VEPH1: variants seen among roughly 807,000 people sequenced by gnomAD.
VEPH1 encodes ventricular zone-expressed PH domain-containing protein homolog 1.
Under a neutral mutation model 85.2 loss-of-function variants are expected in VEPH1, and 80 were observed. The observed-to-expected ratio is 0.94, with a 90% CI of 0.78 to 1.13. The LOEUF (loss-of-function observed/expected upper bound fraction) is 1.13. VEPH1 is among the 50% of genes most tolerant of loss of function. The pLI, the probability that VEPH1 is intolerant of heterozygous loss-of-function variation, is 0.00. For synonymous variants in VEPH1, 297 were observed against 348.0 expected (o/e 0.85, Z 1.63); for missense variants, 955 against 980.5 (o/e 0.97, Z 0.35).
At chr3:157,360,119 T>C (rs1725882240) in intron 9 of VEPH1, among the ~76,000 whole-genome samples, 1 of 152,194 alleles carries the variant, frequency 6.6e-6, no homozygotes, top group African/African-American at 2.4e-5. Flanking sequence ...GAAAGAAAGG[T>C]AATATTGTTG....
At chr3:157,265,480 T>C in intron 13 of VEPH1, 46 bp downstream of exon 13, 1 of 1,592,864 alleles carries the variant, frequency 6.3e-7, no homozygotes, top group Non-Finnish European at 8.6e-7. Flanking sequence ...TTGGTGGAGA[T>C]CAAAACCTTA....
At position 157,281,087 on chromosome 3, in the gene VEPH1, C is replaced by CGT. The variant is rs141433345; in HGVS notation, c.2128+5468_2128+5469dup. Among the ~76,000 whole-genome samples the CGT allele has an allele frequency of 4.4e-3, 648 of 148,766 alleles. 6 individuals are homozygous for CGT. Among genetic ancestry groups the CGT allele is most frequent in the African/African-American group, 0.015 (589 of 40,190 alleles). On this transcript the variant is annotated intron_variant, in intron 12 of 13. Transcript: ENST00000362010. The stretch of plus-strand genomic sequence containing the variant: ...ATGTAGGTGTGTGTGCATATGTGTG[C>CGT]GTGTGTGTGTGTGTGAGAGAGAGAG...
intron 9 of VEPH1, among the ~76,000 whole-genome samples, chr3:157,348,041 A>G (rs1337960588): frequency 6.6e-6 from 1 of 152,136 alleles, no homozygotes; most frequent in African/African-American, 2.4e-5. Flanking sequence ...ACCTAGCCAC[A>G]GCTGTGTGGA....
At chr3:157,326,745 A>G (rs1721949598) in intron 9 of VEPH1, among the ~76,000 whole-genome samples, 1 of 152,188 alleles carries the variant, frequency 6.6e-6, no homozygotes, top group African/African-American at 2.4e-5. Context: ...TTTGGCCTGG[A>G]GAAGGAGAAG....
At chr3:157,360,879 G>A (rs2108761697) in intron 9 of VEPH1, among the ~76,000 whole-genome samples, 1 of 152,284 alleles carries the variant, frequency 6.6e-6, no homozygotes, top group African/African-American at 2.4e-5. Context: ...AAGGCAATAA[G>A]AAATATCATT....
At chr3:157,267,093 CTTTTTTTTCTTTTT>C (rs1274393256) in intron 12 of VEPH1, among the ~76,000 whole-genome samples, 6 of 108,226 alleles carry the variant, frequency 5.5e-5, no homozygotes, top group South Asian at 6.9e-4. Context: ...TTTTCTTTTT[CTTTTTTTTCTTTTT>C]TTTTTTTTTT....
intron 6 of VEPH1, among the ~76,000 whole-genome samples, chr3:157,405,021 G>A (rs1374733107): frequency 1.3e-5 from 2 of 152,088 alleles, no homozygotes; most frequent in Non-Finnish European, 2.9e-5. Flanking sequence ...TGTCTTTCTT[G>A]AGGCAGGCAC....
At chr3:157,315,008 A>G (rs1226068294) in intron 10 of VEPH1, among the ~76,000 whole-genome samples, 1 of 152,096 alleles carries the variant, frequency 6.6e-6, no homozygotes, top group Non-Finnish European at 1.5e-5. Context: ...TGTATAGAAC[A>G]TCTATAAAGG....
At position 157,395,547 on chromosome 3, in the gene VEPH1, T is replaced by C. The variant is rs371046421; in HGVS notation, c.907-14171A>G. ...GTGGTTGGGGAAAGAGCCTGAATGG[T>C]GTCAACAGAGTGGGTCATCATATCC... On this transcript the variant is annotated intron_variant, in intron 6 of 13. Coordinates refer to ENST00000362010, the MANE Select transcript of VEPH1 (RefSeq NM_001167912.2). 5.7e-4 allele frequency among the ~76,000 whole-genome samples: 87 copies of C among 152,134 alleles called. 2 individuals are homozygous for C. In the South Asian group the frequency reaches 0.014, roughly 25 times the overall value.
chr3:157,500,430 C>A (rs1740011399), intron 1 of VEPH1, among the ~76,000 whole-genome samples: 1 of 152,120 alleles, frequency 6.6e-6, no homozygotes, highest in Non-Finnish European at 1.5e-5. Context: ...GTCAGGGTGG[C>A]CACAGTTAAA....
At chr3:157,345,924 C>T (rs971099334) in intron 9 of VEPH1, among the ~76,000 whole-genome samples, 2 of 151,438 alleles carry the variant, frequency 1.3e-5, no homozygotes, top group African/African-American at 4.9e-5. Context: ...GCAACTATCC[C>T]AAGGACAAAA....
At chr3:157,494,348 G>A (rs1280080256) in intron 2 of VEPH1, among the ~76,000 whole-genome samples, 1 of 152,166 alleles carries the variant, frequency 6.6e-6, no homozygotes, top group Non-Finnish European at 1.5e-5. Context: ...CCAAGTGTTG[G>A]CTAACACTGC....
intron 11 of VEPH1, among the ~76,000 whole-genome samples, chr3:157,293,884 C>T (rs1717818421): frequency 6.6e-6 from 1 of 152,200 alleles, no homozygotes; most frequent in Non-Finnish European, 1.5e-5. Context: ...CAAAACACTA[C>T]CAATGTTCAA....
At chr3:157,316,311 C>T (rs1273406711) in intron 10 of VEPH1, among the ~76,000 whole-genome samples, 1 of 151,740 alleles carries the variant, frequency 6.6e-6, no homozygotes, top group African/African-American at 2.4e-5. Flanking sequence ...CCTTTACCCT[C>T]CCTGCTTCTA....
intron 9 of VEPH1, among the ~76,000 whole-genome samples, chr3:157,322,578 C>G (rs1054783687): frequency 8.5e-5 from 13 of 152,132 alleles, no homozygotes; most frequent in African/African-American, 3.1e-4. Flanking sequence ...CTACAATTTA[C>G]TAATGGCCTA....
chr3:157,457,254 G>C (rs547581051), intron 4 of VEPH1, among the ~76,000 whole-genome samples: 21 of 152,284 alleles, frequency 1.4e-4, no homozygotes, highest in African/African-American at 5.1e-4. Flanking sequence ...TGCTGAAGTT[G>C]TTTATCAGCT....
At chr3:157,499,127 T>TTTC (rs1739898262) in intron 1 of VEPH1, among the ~76,000 whole-genome samples, 2 of 152,314 alleles carry the variant, frequency 1.3e-5, no homozygotes, top group Non-Finnish European at 2.9e-5. Flanking sequence ...CAAAATCTCA[T>TTTC]ATTTTTTGTA....
intron 9 of VEPH1, among the ~76,000 whole-genome samples, chr3:157,360,757 T>C (rs1396661586): frequency 2.0e-5 from 3 of 152,158 alleles, no homozygotes; most frequent in Non-Finnish European, 4.4e-5. Context: ...AAATTCAAAG[T>C]ATGGTTTCTA....
At chr3:157,378,338 ATATATATATATATATATATAG>A (rs1560010550) in intron 7 of VEPH1, among the ~76,000 whole-genome samples, 1 of 56,346 alleles carries the variant, frequency 1.8e-5, no homozygotes, top group Non-Finnish European at 3.9e-5. Context: ...ATATATATAT[ATATATATATATATATATATAG>A]TAGTGATTCT....
Sources: gnomAD v4.1 joint callset for allele counts (sites outside exome capture counted in the v4.1 genomes callset) on GRCh38, gnomAD v4.1.1 for gene constraint, MANE v1.5 for transcripts, NCBI Gene and HGNC (gene_info 2026-07-23, HGNC 2026-07-21) for gene names.